Variants in UBR2 observed in about 807,000 individuals in gnomAD.
UBR2 encodes the protein E3 ubiquitin-protein ligase UBR2.
UBR2 carries 92 observed loss-of-function variants against 247.9 expected under a neutral mutation model. That is an observed-to-expected ratio of 0.37 (90% confidence interval 0.31 to 0.44). The LOEUF is 0.44. Ranked by LOEUF, UBR2 falls within the 20% of genes least tolerant of loss-of-function variation. UBR2 has a pLI of 1.00. For missense variants in UBR2, 1,613 were observed against 2,112.6 expected (o/e 0.76, Z 4.64); for synonymous variants, 672 against 693.5 (o/e 0.97, Z 0.49).
chr6:42,603,881 C>A (rs1317270096), intron 5 of UBR2, among the ~76,000 whole-genome samples, 163 bp downstream of exon 5: 13 of 152,086 alleles, frequency 8.5e-5, no homozygotes. Flanking sequence ...GTGGAGATTT[C>A]TTCCTGTTTG....
intron 11 of UBR2, among the ~76,000 whole-genome samples, chr6:42,621,596 G>T (rs968838084): frequency 6.6e-6 from 1 of 152,078 alleles, no homozygotes; most frequent in Non-Finnish European, 1.5e-5. Flanking sequence ...CCAAGTAGCT[G>T]GGATTATAGG....
chr6:42,667,762 CTT>C (rs1260241442), intron 34 of UBR2, among the ~76,000 whole-genome samples: 6 of 67,100 alleles, frequency 8.9e-5, no homozygotes, highest in Non-Finnish European at 6.2e-5. Flanking sequence ...ACAACTTTTT[CTT>C]TTTTTTTTTT....
chr6:42,676,785 G>C lies in UBR2; in HGVS notation c.4390G>C (p.Glu1464Gln), dbSNP rs758231957. ...ACTAGTATTTCCTTATCTTTCAGAA[G>C]AGAATGGCATGGATCAAGAAAATCC... is the stretch of plus-strand genomic sequence containing the variant. ...IQILLTSCTE[E>Q]NGMDQENPPC... Residue 1464 changes from glutamate to glutamine, a missense_variant and splice_region_variant, in exon 40 of 47, where the codon GAG becomes CAG. By Grantham distance (29) the Glu-to-Gln change is conservative. Transcript: ENST00000372901. The C allele has an allele frequency of 6.8e-6, 11 of 1,613,232 alleles. No homozygotes were observed. Among genetic ancestry groups the C allele is most frequent in the African/African-American group, 1.3e-5 (1 of 74,906 alleles).
chr6:42,670,031 C>A, intron 34 of UBR2, 61 bp from the exon 35 acceptor site: 1 of 1,571,840 alleles, frequency 6.4e-7, no homozygotes, highest in Non-Finnish European at 8.7e-7. Context: ...GTTAAGAAAC[C>A]GAACCATTTG....
rs542643776 is a variant in UBR2 at position 42,595,770 on chromosome 6, A to G, written c.531+1466A>G. Among the ~76,000 whole-genome samples, 21 of 152,138 alleles carry G rather than the reference A, an allele frequency of 1.4e-4. No individual in the cohort carries two copies. The South Asian group carries it at 3.7e-3, about 27-fold the overall frequency. On this transcript the variant is annotated intron_variant, in intron 4 of 46. Transcript: ENST00000372901. ...TGGTACCCATATCCTACAGGTCTCAAATATATTTTATCAGAATGACCAAAG... is the reference window on the plus strand; with the variant it reads ...TGGTACCCATATCCTACAGGTCTCAGATATATTTTATCAGAATGACCAAAG...
chr6:42,640,383 GGTGTGTGTGT>G (rs61668810), intron 16 of UBR2, 113 bp downstream of exon 16: 310 of 174,364 alleles, frequency 1.8e-3, no homozygotes, highest in East Asian at 7.2e-3. Context: ...GAACCAGTAA[GGTGTGTGTGT>G]GTGTGTGTGT....
chr6:42,616,646 A>C (rs1049959772), intron 10 of UBR2, among the ~76,000 whole-genome samples: 10 of 146,702 alleles, frequency 6.8e-5, no homozygotes, highest in African/African-American at 2.6e-4. Flanking sequence ...TTTTTTTTTT[A>C]AGAAACAAGG....
chr6:42,650,962 A>G (rs1270938962), intron 23 of UBR2, among the ~76,000 whole-genome samples: 1 of 151,944 alleles, frequency 6.6e-6, no homozygotes, highest in Non-Finnish European at 1.5e-5. Context: ...TTGGTGGGGC[A>G]TGTAATCCCA....
intron 2 of UBR2, among the ~76,000 whole-genome samples, chr6:42,578,715 C>G (rs1791677579): frequency 6.6e-6 from 1 of 152,050 alleles, no homozygotes; most frequent in African/African-American, 2.4e-5. Flanking sequence ...ATAAAGCTCT[C>G]ATATGGAAGA....
At chr6:42,585,332 A>G (rs1207390016) in intron 2 of UBR2, among the ~76,000 whole-genome samples, 2 of 152,136 alleles carry the variant, frequency 1.3e-5, no homozygotes, top group Non-Finnish European at 2.9e-5. Context: ...TGCTGGATTC[A>G]ACTCGTTAAT....
chr6:42,642,382 A>G (rs967828304), intron 17 of UBR2, 34 bp from the exon 18 acceptor site: 16 of 1,466,996 alleles, frequency 1.1e-5, no homozygotes, highest in Non-Finnish European at 1.5e-5. Flanking sequence ...GCCAATAAAA[A>G]CTATTTACTC....
At chr6:42,574,728 C>T (rs1305828276) in intron 2 of UBR2, among the ~76,000 whole-genome samples, 23 of 151,022 alleles carry the variant, frequency 1.5e-4, no homozygotes, top group Non-Finnish European at 3.1e-4. Flanking sequence ...TGGAGTCTTG[C>T]CCTGTCACCC....
At position 42,614,395 on chromosome 6, in the gene UBR2, CATACATACGTATGTAT is replaced by C. The variant is rs1562311996; in HGVS notation, c.986-675_986-660del. Among the ~76,000 whole-genome samples the C allele has an allele frequency of 6.1e-5, 7 of 114,994 alleles. 1 individual carries two copies. The highest frequency in any genetic ancestry group is 2.3e-4 in the African/African-American group (7 of 30,212). 75.4% of individuals were successfully genotyped at this position (114,994 alleles called of 152,430 possible). A position where few individuals can be genotyped will look rare whatever the true frequency, so the allele number is the denominator to read the frequency against. On this transcript the variant is annotated intron_variant, in intron 8 of 46. Transcript: ENST00000372901. ...ATGTGTGTATATATGTATGTACGTACATACATACGTATGTATGTACGTACGTACATATATATGTATG... is the reference window on the plus strand; with the variant it reads ...ATGTGTGTATATATGTATGTACGTACGTACGTACGTACATATATATGTATG...
intron 7 of UBR2, among the ~76,000 whole-genome samples, chr6:42,607,675 C>T (rs1183040596): frequency 1.6e-4 from 4 of 24,524 alleles, no homozygotes; most frequent in Non-Finnish European, 3.8e-4. Flanking sequence ...CCACCACTCC[C>T]AGCTGGGAGG....
At chr6:42,627,651 C>G (rs1357412346) in intron 11 of UBR2, among the ~76,000 whole-genome samples, 1 of 151,940 alleles carries the variant, frequency 6.6e-6, no homozygotes, top group African/African-American at 2.4e-5. Flanking sequence ...GTGTGCGCCA[C>G]TACACACCTG....
chr6:42,679,737 C>G lies in UBR2; in HGVS notation c.4623C>G (p.Ser1541Arg). 6.2e-7 allele frequency: 1 copy of G among 1,612,824 alleles called. No individual in the cohort carries two copies. The highest frequency in any genetic ancestry group is 8.5e-7 in the Non-Finnish European group (1 of 1,179,370). The change falls in exon 42 of 47, where the codon AGC becomes AGG. Residue 1541 changes from serine to arginine, a missense_variant. Around this residue, in one of 3 missense-constraint regions of UBR2, gnomAD observed 1,524 missense variants for 1,967.3 expected, o/e 0.77. Coordinates refer to ENST00000372901, the MANE Select transcript of UBR2 (RefSeq NM_001363705.2). ...SPPDIQVPGT[S>R]HFEHLCSYLS... is the part of the protein sequence containing the mutation. ...CTTCATTTGCAGTTCCTGGAACAAG[C>G]CATTTTGAACATTTATGTAGCTATC...
chr6:42,577,666 G>A (rs895354950), intron 2 of UBR2, among the ~76,000 whole-genome samples: 2 of 148,306 alleles, frequency 1.3e-5, no homozygotes, highest in Admixed American at 6.6e-5. Flanking sequence ...CATGAGTTAA[G>A]TTTTTAGCTT....
At chr6:42,687,267 G>A (rs1018714939) in intron 44 of UBR2, among the ~76,000 whole-genome samples, 26 of 152,212 alleles carry the variant, frequency 1.7e-4, no homozygotes, top group Non-Finnish European at 3.5e-4. Context: ...CAGATCACTC[G>A]CCGTCAGGAG....
Position 42,641,608 on chromosome 6 carries a change from A to G in UBR2, c.1947A>G (p.Ile649Met). 1 of 1,597,178 alleles carries G rather than the reference A, an allele frequency of 6.3e-7. No individual in the cohort carries two copies. The highest frequency in any genetic ancestry group is 1.1e-5 in the South Asian group (1 of 87,184). The change falls in exon 17 of 47, where the codon ATA becomes ATG. Residue 649 changes from isoleucine (I) to methionine (M), a missense_variant. Physicochemically the swap from Ile to Met is conservative, Grantham distance 10. This residue lies in a region of UBR2 where 1,524 missense variants were observed against 1,967.3 expected (regional missense o/e 0.77). Transcript: ENST00000372901. ...PLSELSPPMLIEHPLRCLVLC... is the reference protein window; with the variant it reads ...PLSELSPPMLMEHPLRCLVLC... ...GTGAACTTAGCCCACCCATGTTGAT[A>G]GAACACCCTCTTAGATGTCTTGTTC...
Sources: gnomAD v4.1 joint callset for allele counts (sites outside exome capture counted in the v4.1 genomes callset) on GRCh38, gnomAD v4.1.1 for gene constraint, gnomAD v4.1.1 regional missense constraint, MANE v1.5 for transcripts, NCBI Gene and HGNC (gene_info 2026-07-23, HGNC 2026-07-21) for gene names.